The following EGFR variants were observed in gnomAD, a reference collection of about 807,000 sequenced individuals.
EGFR encodes avian erythroblastic leukemia viral (v-erb-b) oncogene homolog.
In EGFR, 58 loss-of-function variants were observed where a neutral mutation model predicts 143.0. That is an observed-to-expected ratio of 0.41 (90% CI 0.33 to 0.50). The LOEUF is 0.50. Ranked by LOEUF, EGFR falls within the 20% of genes least tolerant of loss-of-function variation. The probability of loss-of-function intolerance (pLI) is 0.39; values close to 1 mark genes in which losing one functional copy is unlikely to be tolerated. For missense variants in EGFR, 1,307 were observed against 1,579.0 expected (o/e 0.83, Z 2.92); for synonymous variants, 613 against 594.4 (o/e 1.03, Z -0.45).
chr7:55,208,524 C>A lies in EGFR; in HGVS notation c.*2907C>A, dbSNP rs1275464496. 1 of 152,256 alleles carries A rather than the reference C, an allele frequency of 6.6e-6. No individual in the cohort carries two copies. The highest frequency in any genetic ancestry group is 2.4e-5 in the African/African-American group (1 of 41,456). The allele number at this position is 152,256 out of a possible 1,614,324, so 9.4% of individuals were successfully genotyped here. ...AGCTGAGAGCTCACATTCATAGGTG[C>A]CGCCAGCCTTCGTGCATCTTCTTGC... On this transcript the variant is annotated 3_prime_UTR_variant, in exon 28 of 28. Transcript: ENST00000275493.
chr7:55,127,842 C>A (rs187611853), intron 1 of EGFR, among the ~76,000 whole-genome samples: 1 of 152,308 alleles, frequency 6.6e-6, no homozygotes, highest in Admixed American at 6.5e-5. Context: ...TTACAGATTG[C>A]AGACTTCTTA....
intron 2 of EGFR, 36 bp downstream of exon 2, chr7:55,142,473 G>A (rs2128926525): frequency 6.2e-7 from 1 of 1,611,288 alleles, no homozygotes; most frequent in African/African-American, 1.3e-5. Flanking sequence ...AAATAAAATT[G>A]GAGAAAATCT....
chr7:55,156,005 C>T, intron 8 of EGFR, 59 bp downstream of exon 8: 2 of 1,170,234 alleles, frequency 1.7e-6, no homozygotes, highest in East Asian at 2.4e-5. Flanking sequence ...GCTGGGCTCT[C>T]ATGCCACCTC....
At chr7:55,151,262 T>C in intron 4 of EGFR, 32 bp from the exon 5 acceptor site, 1 of 1,607,824 alleles carries the variant, frequency 6.2e-7, no homozygotes, top group Non-Finnish European at 8.5e-7. Context: ...ATCATTTCAC[T>C]GAGATATGCA....
chr7:55,126,624 G>A (rs1793537839), intron 1 of EGFR, among the ~76,000 whole-genome samples: 1 of 152,132 alleles, frequency 6.6e-6, no homozygotes, highest in South Asian at 2.1e-4. Flanking sequence ...GGAGAGAAAT[G>A]CTCCTGCACT....
intron 1 of EGFR, among the ~76,000 whole-genome samples, chr7:55,087,277 AAAAAAAC>A (rs1031475807): frequency 6.6e-5 from 9 of 136,208 alleles, no homozygotes; most frequent in African/African-American, 1.7e-4. Context: ...AATTGTTAAA[AAAAAAAC>A]AAAAAAAAAA....
chr7:55,164,932 C>T (rs1315600377), intron 14 of EGFR, among the ~76,000 whole-genome samples: 1 of 152,162 alleles, frequency 6.6e-6, no homozygotes, highest in African/African-American at 2.4e-5. Context: ...CTATAATATG[C>T]AAGAAAGACT....
intron 1 of EGFR, among the ~76,000 whole-genome samples, chr7:55,036,281 G>GGGC (rs1787575320): frequency 1.2e-5 from 1 of 81,378 alleles, no homozygotes; most frequent in Non-Finnish European, 2.5e-5. Flanking sequence ...TGGGGGGGGG[G>GGGC]GGGTGGGTGT....
rs1303668348 is a variant in EGFR at position 55,209,488 on chromosome 7, T to A, written c.*3871T>A. The A allele has an allele frequency of 6.6e-6, 1 of 152,206 alleles. No homozygotes were observed. The highest frequency in any genetic ancestry group is 1.5e-5 in the Non-Finnish European group (1 of 68,030). The allele number at this position is 152,206 out of a possible 1,614,324, so 9.4% of individuals were successfully genotyped here. A position where few individuals can be genotyped will look rare whatever the true frequency, so the allele number is the denominator to read the frequency against. On this transcript the variant is annotated 3_prime_UTR_variant, in exon 28 of 28. Transcript: ENST00000275493. ...AAGTTATAGAAACCAGTCTCTTCCC[T>A]CCTTTGTGAGTGAGCTGCTATTCCA...
At chr7:55,204,496 A>C (rs1233457952) in intron 27 of EGFR, among the ~76,000 whole-genome samples, 3 of 135,090 alleles carry the variant, frequency 2.2e-5, no homozygotes, top group African/African-American at 9.0e-5. Context: ...CACCACAAAA[A>C]CCCCACACAC....
At chr7:55,183,588 T>C (rs527338237) in intron 20 of EGFR, among the ~76,000 whole-genome samples, 1 of 152,290 alleles carries the variant, frequency 6.6e-6, no homozygotes, top group African/African-American at 2.4e-5. Flanking sequence ...TGGAGCTACA[T>C]CCACTCATGC....
chr7:55,053,754 G>T (rs1788626049), intron 1 of EGFR, among the ~76,000 whole-genome samples: 1 of 152,240 alleles, frequency 6.6e-6, no homozygotes, highest in Admixed American at 6.5e-5. Flanking sequence ...CCGCTGCTTT[G>T]TCGCAGGAAC....
Position 55,202,568 on chromosome 7 carries a change from G to A in EGFR, c.3214G>A (p.Asp1072Asn), listed in dbSNP as rs1787896241. ...EDSFLQRYSS[D>N]PTGALTEDSI... ...CAGCTTCTTGCAGCGATACAGCTCA[G>A]ACCCCACAGGCGCCTTGACTGAGGA... The change falls in exon 27 of 28, where the codon GAC (aspartate) becomes AAC (asparagine). Residue 1072 changes from aspartate to asparagine, a missense_variant. Around this residue, in one of 7 missense-constraint regions of EGFR, gnomAD observed 313 missense variants for 312.3 expected, o/e 1.00. Transcript: ENST00000275493. 2.5e-6 allele frequency: 4 copies of A among 1,613,412 alleles called. No homozygotes were observed. Among genetic ancestry groups the A allele is most frequent in the Non-Finnish European group, 3.4e-6 (4 of 1,179,696 alleles).
At chr7:55,042,007 T>C (rs180928480) in intron 1 of EGFR, among the ~76,000 whole-genome samples, 12 of 152,298 alleles carry the variant, frequency 7.9e-5, no homozygotes, top group African/African-American at 2.9e-4. Context: ...TATATTTCTT[T>C]CTCTGTATAT....
intron 22 of EGFR, among the ~76,000 whole-genome samples, chr7:55,196,178 A>ATTTTTTTTTTGTTTTTTTTTTTTTTTT (rs1787605107): frequency 1.1e-5 from 1 of 88,126 alleles, no homozygotes; most frequent in Non-Finnish European, 2.0e-5. Flanking sequence ...ATGTGTTGGG[A>ATTTTTTTTTTGTTTTTTTTTTTTTTTT]TTTTTTTTTT....
At chr7:55,058,265 G>T (rs1353571793) in intron 1 of EGFR, among the ~76,000 whole-genome samples, 1 of 152,148 alleles carries the variant, frequency 6.6e-6, no homozygotes, top group Non-Finnish European at 1.5e-5. Context: ...GCGGTGGCAG[G>T]CACCTGTAAT....
intron 1 of EGFR, among the ~76,000 whole-genome samples, chr7:55,064,159 T>C (rs765628802): frequency 1.3e-5 from 2 of 152,220 alleles, no homozygotes; most frequent in Non-Finnish European, 2.9e-5. Flanking sequence ...AATTAAAAAA[T>C]ACCTGCAGTT....
At chr7:55,077,905 C>T (rs969130415) in intron 1 of EGFR, among the ~76,000 whole-genome samples, 1 of 152,154 alleles carries the variant, frequency 6.6e-6, no homozygotes, top group Admixed American at 6.5e-5. Context: ...AGGCCGTCAG[C>T]GCAGCTTTGT....
At chr7:55,155,795 C>T (rs1562765972) in intron 7 of EGFR, 35 bp from the exon 8 acceptor site, 2 of 1,588,828 alleles carry the variant, frequency 1.3e-6, no homozygotes, top group South Asian at 1.1e-5. Context: ...CCTGGTGCCA[C>T]CGTCATCACC....
Sources: allele counts gnomAD v4.1 joint callset (sites outside exome capture counted in the v4.1 genomes callset), GRCh38; gene constraint gnomAD v4.1.1; regional missense constraint gnomAD v4.1.1; transcripts MANE v1.5; gene names NCBI Gene and HGNC (gene_info 2026-07-23, HGNC 2026-07-21).